The following DEF6 variants were observed in gnomAD, a reference collection of about 807,000 sequenced individuals.
DEF6 encodes the protein differentially expressed in FDCP 6 homolog.
Under a neutral mutation model 80.5 loss-of-function variants are expected in DEF6, and 32 were observed. That is an observed-to-expected ratio of 0.40 (90% CI 0.30 to 0.53). The LOEUF (loss-of-function observed/expected upper bound fraction) is 0.53, where lower values mean the gene tolerates loss of function less well. Among genes scored for constraint, DEF6 ranks in the 20% least tolerant of loss-of-function variants. The probability of loss-of-function intolerance (pLI) is 0.57; values close to 1 mark genes in which losing one functional copy is unlikely to be tolerated. For missense variants in DEF6, 575 were observed against 818.7 expected, an observed-to-expected ratio of 0.70 and a Z score of 3.63; for synonymous variants, 300 against 337.9, an observed-to-expected ratio of 0.89 and a Z score of 1.23.
At position 35,302,014 on chromosome 6, in the gene DEF6, A is replaced by G. The variant is rs371822812; in HGVS notation, c.96+4062A>G. Among the ~76,000 whole-genome samples the G allele has an allele frequency of 4.6e-5, 7 of 151,542 alleles. No individual in the cohort carries two copies. The East Asian group carries it at 9.8e-4, about 21-fold the overall frequency. ...AGTGCTGGGATTACAGGCGTGAGCT[A>G]CTGCACCTGGCTGGATCTGTGTCTT... On this transcript the variant is annotated intron_variant, in intron 1 of 10. Transcript: ENST00000316637.
At chr6:35,303,010 C>T (rs552205619) in intron 1 of DEF6, among the ~76,000 whole-genome samples, 2 of 152,284 alleles carry the variant, frequency 1.3e-5, no homozygotes, top group East Asian at 3.9e-4. Flanking sequence ...TCTGTCACTG[C>T]CATTTCCTTT....
At chr6:35,299,845 TGGAAGA>T (rs1791292341) in intron 1 of DEF6, among the ~76,000 whole-genome samples, 1 of 151,452 alleles carries the variant, frequency 6.6e-6, no homozygotes, top group Non-Finnish European at 1.5e-5. Context: ...TAGTGAATAT[TGGAAGA>T]GGAGGAAGTA....
At chr6:35,299,145 C>T (rs1486079805) in intron 1 of DEF6, among the ~76,000 whole-genome samples, 1 of 152,146 alleles carries the variant, frequency 6.6e-6, no homozygotes, top group Non-Finnish European at 1.5e-5. Flanking sequence ...TGATTTCACT[C>T]CCCCAGGAAG....
intron 1 of DEF6, among the ~76,000 whole-genome samples, chr6:35,308,944 A>G (rs1476183957): frequency 6.6e-6 from 1 of 152,012 alleles, no homozygotes; most frequent in East Asian, 1.9e-4. Context: ...AATATCATGG[A>G]TTTGTTCAAC....
chr6:35,299,955 C>T (rs1325905346), intron 1 of DEF6, among the ~76,000 whole-genome samples: 4 of 152,166 alleles, frequency 2.6e-5, no homozygotes, highest in Admixed American at 1.3e-4. Flanking sequence ...GAGAGTTATA[C>T]AAGCAGGGCC....
chr6:35,312,850 G>C lies in DEF6; in HGVS notation c.807+78G>C. 12 of 1,491,092 alleles carry C rather than the reference G, an allele frequency of 8.0e-6. No individual in the cohort carries two copies. The highest frequency in any genetic ancestry group is 9.1e-6 in the Non-Finnish European group (10 of 1,099,450). 92.4% of individuals were successfully genotyped at this position (1,491,092 alleles called of 1,614,324 possible). ...GGGCATGAGAAGACAAGGGGGTCAG[G>C]AGAGGGGCAAATGGAGAAAAGCCAC... is the stretch of plus-strand genomic sequence containing the variant. On this transcript the variant is annotated intron_variant, in intron 5 of 10. Transcript: ENST00000316637. The surrounding 1 kb of genome is among the most constrained non-coding windows in gnomAD (Gnocchi z 6.6).
intron 1 of DEF6, among the ~76,000 whole-genome samples, chr6:35,306,697 C>G (rs1332737793): frequency 6.6e-6 from 1 of 152,218 alleles, no homozygotes; most frequent in Non-Finnish European, 1.5e-5. Flanking sequence ...AATCTTTGCA[C>G]ATGTATTTGA....
intron 1 of DEF6, among the ~76,000 whole-genome samples, chr6:35,302,358 TA>T (rs879649753): frequency 2.0e-4 from 29 of 146,542 alleles, no homozygotes; most frequent in East Asian, 5.9e-4. Flanking sequence ...GATTCTTTCT[TA>T]AAAAAAAAAA....
At position 35,318,246 on chromosome 6, in the gene DEF6, C is replaced by CGAGCAGCGG. The variant is rs781078093; in HGVS notation, c.1004_1012dup (p.Gln335_Glu337dup). The CGAGCAGCGG allele has an allele frequency of 1.3e-5, 20 of 1,592,418 alleles. No individual in the cohort carries two copies. The highest frequency in any genetic ancestry group is 6.8e-5 in the East Asian group (3 of 43,942). Reference sequence around the variant, plus strand: ...ACAAGGACCTGAAGCAGAAACGGCGCGAGCAGCGGGAGCAGCGGGAGCGGC... The same window carrying CGAGCAGCGG: ...ACAAGGACCTGAAGCAGAAACGGCGCGAGCAGCGGGAGCAGCGGGAGCAGCGGGAGCGGC... On this transcript the variant is annotated inframe_insertion, in exon 7 of 11. Coordinates refer to ENST00000316637, the MANE Select transcript of DEF6 (RefSeq NM_022047.4). This position sits in a 1 kb window ranked among gnomAD's most constrained non-coding sequence, Gnocchi z 5.1.
intron 1 of DEF6, 131 bp downstream of exon 1, chr6:35,298,083 G>C: frequency 1.2e-6 from 1 of 825,692 alleles, no homozygotes; most frequent in South Asian, 1.6e-5. Context: ...CCTGGGGTCG[G>C]GGGGCTGGTC....
At chr6:35,310,370 G>A (rs1435321812) in intron 2 of DEF6, 89 bp from the exon 3 acceptor site, 2 of 1,411,140 alleles carry the variant, frequency 1.4e-6, no homozygotes, top group East Asian at 4.6e-5. Flanking sequence ...GGGAGCAGGG[G>A]CATAGATGAA....
chr6:35,303,583 G>A (rs1300196049), intron 1 of DEF6, among the ~76,000 whole-genome samples: 1 of 152,194 alleles, frequency 6.6e-6, no homozygotes, highest in Non-Finnish European at 1.5e-5. Flanking sequence ...GTCAGAGGAG[G>A]CAGATAATAA....
chr6:35,320,054 G>T, intron 9 of DEF6, 37 bp downstream of exon 9: 1 of 1,544,734 alleles, frequency 6.5e-7, no homozygotes. Flanking sequence ...AGGCTGGCAG[G>T]GTGAGCTCAT....
At chr6:35,305,276 G>A (rs965401560) in intron 1 of DEF6, among the ~76,000 whole-genome samples, 1 of 150,798 alleles carries the variant, frequency 6.6e-6, no homozygotes, top group Non-Finnish European at 1.5e-5. Context: ...CTCCTGAGTA[G>A]CTGGGACTAC....
At chr6:35,307,747 C>T (rs1791411397) in intron 1 of DEF6, among the ~76,000 whole-genome samples, 1 of 152,190 alleles carries the variant, frequency 6.6e-6, no homozygotes, top group Admixed American at 6.5e-5. Flanking sequence ...ATACTCCCTT[C>T]CTGGGATCTC....
In DEF6 at chr6:35,300,237, G is replaced by A. The variant is rs144834113; in HGVS notation, c.96+2285G>A. 3.8e-3 allele frequency among the ~76,000 whole-genome samples: 574 copies of A among 152,050 alleles called. 2 individuals are homozygous for A. The highest frequency in any genetic ancestry group is 5.5e-3 in the Non-Finnish European group (374 of 67,976). ...AGCCTGAGTCTCATTATGTTGCCCCGGCTGGTTTCAGACTTCTGGCCTCAA... is the reference window on the plus strand; with the variant it reads ...AGCCTGAGTCTCATTATGTTGCCCCAGCTGGTTTCAGACTTCTGGCCTCAA... On this transcript the variant is annotated intron_variant, in intron 1 of 10. Transcript: ENST00000316637.
intron 1 of DEF6, among the ~76,000 whole-genome samples, chr6:35,298,291 C>G (rs1791267152): frequency 6.6e-6 from 1 of 152,260 alleles, no homozygotes; most frequent in Admixed American, 6.5e-5. Flanking sequence ...CACACCTCCA[C>G]AGAGTCATGC....
chr6:35,298,251 C>T (rs1239656206), intron 1 of DEF6, among the ~76,000 whole-genome samples: 1 of 152,190 alleles, frequency 6.6e-6, no homozygotes, highest in East Asian at 1.9e-4. Flanking sequence ...AGGAGCCAGG[C>T]CACATCCCAG....
At chr6:35,307,722 A>C (rs1791411002) in intron 1 of DEF6, among the ~76,000 whole-genome samples, 1 of 152,168 alleles carries the variant, frequency 6.6e-6, no homozygotes, top group African/African-American at 2.4e-5. Context: ...GAGGGAAATG[A>C]GGGAAAAAAA....
Sources: allele counts gnomAD v4.1 joint callset (sites outside exome capture counted in the v4.1 genomes callset), GRCh38; gene constraint gnomAD v4.1.1; non-coding constraint Gnocchi (gnomAD v3.1); transcripts MANE v1.5; gene names NCBI Gene and HGNC (gene_info 2026-07-23, HGNC 2026-07-21).